Variants in LCNL1 observed in about 807,000 individuals in gnomAD.
The protein encoded by LCNL1 is lipocalin-like 1 protein.
LCNL1 carries 11 observed loss-of-function variants against 7.9 expected under a neutral mutation model. That is an observed-to-expected ratio of 1.40 (90% CI 0.88 to 2.32). LCNL1 has a LOEUF of 2.32. Ranked by LOEUF, LCNL1 falls within the 30% of genes most tolerant of loss-of-function variation. LCNL1 has a pLI of 0.00. For missense variants in LCNL1, 218 were observed against 217.0 expected (o/e 1.00, Z -0.03); for synonymous variants, 90 against 92.5 (o/e 0.97, Z 0.15).
intron 1 of LCNL1, chr9:136,984,166 T>G (rs1588489465): frequency 2.2e-6 from 1 of 447,016 alleles, no homozygotes. Context: ...TGCGTGTCTA[T>G]GTGTGTGTCT....
chr9:136,983,708 C>A lies in LCNL1; in HGVS notation c.122C>A (p.Thr41Lys), dbSNP rs764179792. ...CTGGCCCTCAAGTTTGGATACCCCA[C>A]GTAAGTGACCACACGAGCCCATCAG... Reference protein sequence around the residue: ...GDLALKFGYPTPHGGCQKMDT... With the variant: ...GDLALKFGYPKPHGGCQKMDT... The change falls in exon 1 of 3, where the codon ACG becomes AAG. Residue 41 changes from threonine (T) to lysine (K), a missense_variant and splice_region_variant. Thr to Lys is a moderately conservative substitution (Grantham distance 78). Transcript: ENST00000408973. 1.4e-5 allele frequency: 23 copies of A among 1,613,300 alleles called. No individual in the cohort carries two copies. The South Asian group carries it at 2.5e-4, about 18-fold the overall frequency.
Position 136,983,491 on chromosome 9 carries a change from G to T in LCNL1, c.-96G>T. The T allele has an allele frequency of 6.7e-7, 1 of 1,501,126 alleles. No individual in the cohort carries two copies. Among genetic ancestry groups the T allele is most frequent in the Admixed American group, 1.7e-5 (1 of 58,766 alleles). The allele number at this position is 1,501,126 out of a possible 1,614,324, so 93.0% of individuals were successfully genotyped here. On this transcript the variant is annotated 5_prime_UTR_variant, in exon 1 of 3. Transcript: ENST00000408973. ...CCCCTGCCGTGGCCAGGAAGCAGCTGTGTCGGGGCAGAATGTGGTGGGCTC... is the reference window on the plus strand; with the variant it reads ...CCCCTGCCGTGGCCAGGAAGCAGCTTTGTCGGGGCAGAATGTGGTGGGCTC...
rs1321900077 is a variant in LCNL1 at position 136,985,680 on chromosome 9, G to C, written c.*669G>C. ...CCCTGAGTGCCCGCAGGGGTCAGCT[G>C]CTCCGTGCGCCCAGCCCTGCCCAAA... is the stretch of plus-strand genomic sequence containing the variant. On this transcript the variant is annotated 3_prime_UTR_variant, in exon 3 of 3. Coordinates refer to ENST00000408973, the MANE Select transcript of LCNL1 (RefSeq NM_207510.4). 3 of 152,328 alleles carry C rather than the reference G, an allele frequency of 2.0e-5. No homozygotes were observed. The allele number at this position is 152,328 out of a possible 1,614,324, so 9.4% of individuals were successfully genotyped here. A position where few individuals can be genotyped will look rare whatever the true frequency, so the allele number is the denominator to read the frequency against.
intron 1 of LCNL1, 131 bp downstream of exon 1, chr9:136,983,839 C>A: frequency 7.8e-7 from 1 of 1,281,802 alleles, no homozygotes; most frequent in Non-Finnish European, 1.1e-6. Context: ...CGGCTCTGTG[C>A]GGCAGAGCCC....
At position 136,983,661 on chromosome 9, in the gene LCNL1, G is replaced by C. The variant is rs758519867; in HGVS notation, c.75G>C (p.Val25=). The C allele has an allele frequency of 6.2e-7, 1 of 1,614,058 alleles. No individual in the cohort carries two copies. The highest frequency in any genetic ancestry group is 8.5e-7 in the Non-Finnish European group (1 of 1,179,984). ...KDTMKMAVVL[V]TPLGNGDLAL... is the part of the protein sequence containing the mutation. ...CCATGAAGATGGCTGTGGTCTTAGTGACCCCCTTGGGGAATGGTGACCTGG... is the reference window on the plus strand; with the variant it reads ...CCATGAAGATGGCTGTGGTCTTAGTCACCCCCTTGGGGAATGGTGACCTGG... Residue 25 remains valine, a synonymous_variant, in exon 1 of 3, where the codon GTG becomes GTC. Transcript: ENST00000408973.
rs1830489445 is a variant in LCNL1, at chr9:136,985,354, G to A, written c.*343G>A. The A allele has an allele frequency of 6.9e-6, 2 of 288,246 alleles. No individual in the cohort carries two copies. Among genetic ancestry groups the A allele is most frequent in the Non-Finnish European group, 1.3e-5 (2 of 154,628 alleles). 17.9% of individuals were successfully genotyped at this position (288,246 alleles called of 1,614,324 possible). ...GCAGGTCGGGGGCCTCCGTCCCAGGGAAGGGGGCGCGGGGTGGCGCCTCAG... is the reference window on the plus strand; with the variant it reads ...GCAGGTCGGGGGCCTCCGTCCCAGGAAAGGGGGCGCGGGGTGGCGCCTCAG... On this transcript the variant is annotated 3_prime_UTR_variant, in exon 3 of 3. Transcript: ENST00000408973.
chr9:136,983,566 C>G lies in LCNL1; in HGVS notation c.-21C>G. On this transcript the variant is annotated 5_prime_UTR_variant, in exon 1 of 3. Coordinates refer to ENST00000408973, the MANE Select transcript of LCNL1 (RefSeq NM_207510.4). Reference sequence around the variant, plus strand: ...CCCAGCCTTCCCTGCACTTGCCCTGCAGTTCCAGGGCACCTGGTACATGGT... The same window carrying G: ...CCCAGCCTTCCCTGCACTTGCCCTGGAGTTCCAGGGCACCTGGTACATGGT... The G allele has an allele frequency of 1.2e-6, 2 of 1,610,366 alleles. No individual in the cohort carries two copies. The highest frequency in any genetic ancestry group is 1.7e-6 in the Non-Finnish European group (2 of 1,177,116).
chr9:136,983,819 G>C (rs903962759), intron 1 of LCNL1, 111 bp downstream of exon 1: 78 of 1,486,394 alleles, frequency 5.2e-5, no homozygotes, highest in Middle Eastern at 3.8e-4. Flanking sequence ...GTCAGACCAC[G>C]GGTCCTCGAC....
intron 1 of LCNL1, 171 bp from the exon 2 acceptor site, chr9:136,984,319 C>G (rs1190801070): frequency 6.8e-6 from 4 of 587,402 alleles, no homozygotes; most frequent in Non-Finnish European, 1.2e-5. Flanking sequence ...TAATACCCAC[C>G]CCACCCCCAG....
In LCNL1 at chr9:136,984,555, G is replaced by A; in HGVS notation, c.188G>A (p.Ser63Asn). 6.4e-7 allele frequency: 1 copy of A among 1,571,724 alleles called. No individual in the cohort carries two copies. The highest frequency in any genetic ancestry group is 2.3e-5 in the East Asian group (1 of 43,216). Reference sequence around the variant, plus strand: ...GAGGGTGCTGTACCGGGGCAGTTCAGCAACCCAGGTGAGGTGGGGCAGCAG... The same window carrying A: ...GAGGGTGCTGTACCGGGGCAGTTCAACAACCCAGGTGAGGTGGGGCAGCAG... ...FTEGAVPGQF[S>N]NPAMALSDIR... The change falls in exon 2 of 3, where the codon AGC becomes AAC. Residue 63 changes from serine to asparagine, a missense_variant. Coordinates refer to ENST00000408973, the MANE Select transcript of LCNL1 (RefSeq NM_207510.4).
intron 2 of LCNL1, 50 bp from the exon 3 acceptor site, chr9:136,984,662 CT>C (rs777536468): frequency 6.6e-7 from 1 of 1,511,840 alleles, no homozygotes; most frequent in East Asian, 2.4e-5. Context: ...GGGTGCCACG[CT>C]CGGGGGGGAG....
Position 136,983,637 on chromosome 9 carries a change from C to T in LCNL1, c.51C>T (p.Thr17=), listed in dbSNP as rs368111817. 22 of 1,613,922 alleles carry T rather than the reference C, an allele frequency of 1.4e-5. No individual in the cohort carries two copies. Among genetic ancestry groups the T allele is most frequent in the Non-Finnish European group, 1.9e-5 (22 of 1,179,992 alleles). Reference sequence around the variant, plus strand: ...AGGACTTCCTGGACTCCAAGGACACCATGAAGATGGCTGTGGTCTTAGTGA... The same window carrying T: ...AGGACTTCCTGGACTCCAAGGACACTATGAAGATGGCTGTGGTCTTAGTGA... ...DDQDFLDSKD[T]MKMAVVLVTP... is the part of the protein sequence containing the mutation. The change falls in exon 1 of 3, where the codon ACC becomes ACT. Residue 17 remains threonine (T), a synonymous_variant. Transcript: ENST00000408973.
chr9:136,984,124 CTG>C (rs776088334), intron 1 of LCNL1: 2 of 403,810 alleles, frequency 5.0e-6, no homozygotes, highest in Non-Finnish European at 9.0e-6. Context: ...CTGTGTCTGG[CTG>C]TGTGTGTCTA....
Position 136,983,101 on chromosome 9 carries a change from C to T in LCNL1, c.-486C>T, listed in dbSNP as rs1336400187. On this transcript the variant is annotated 5_prime_UTR_variant, in exon 1 of 3. Coordinates refer to ENST00000408973, the MANE Select transcript of LCNL1 (RefSeq NM_207510.4). ...CCGGCTTTGGTGCTGCACCCCGGGT[C>T]CCTGTCCACACCCTCTTTGATCCAG... The T allele has an allele frequency of 1.2e-5, 2 of 166,476 alleles. No homozygotes were observed. Among genetic ancestry groups the T allele is most frequent in the African/African-American group, 4.8e-5 (2 of 41,964 alleles). The allele number at this position is 166,476 out of a possible 1,614,324, so 10.3% of individuals were successfully genotyped here. A position where few individuals can be genotyped will look rare whatever the true frequency, so the allele number is the denominator to read the frequency against.
In LCNL1 at chr9:136,983,686, G is replaced by T. The variant is rs1274826612; in HGVS notation, c.100G>T (p.Ala34Ser). The T allele has an allele frequency of 1.2e-6, 2 of 1,613,974 alleles. No homozygotes were observed. The highest frequency in any genetic ancestry group is 8.5e-7 in the Non-Finnish European group (1 of 1,179,942). Residue 34 changes from alanine to serine, a missense_variant, in exon 1 of 3, where the codon GCC (alanine) becomes TCC (serine). By Grantham distance (99) the Ala-to-Ser change is moderately conservative. Coordinates refer to ENST00000408973, the MANE Select transcript of LCNL1 (RefSeq NM_207510.4). Reference sequence around the variant, plus strand: ...GACCCCCTTGGGGAATGGTGACCTGGCCCTCAAGTTTGGATACCCCACGTA... The same window carrying T: ...GACCCCCTTGGGGAATGGTGACCTGTCCCTCAAGTTTGGATACCCCACGTA... ...LVTPLGNGDL[A>S]LKFGYPTPHG...
At position 136,985,383 on chromosome 9, in the gene LCNL1, C is replaced by T. The variant is rs192756830; in HGVS notation, c.*372C>T. The T allele has an allele frequency of 3.8e-5, 9 of 239,646 alleles. No individual in the cohort carries two copies. In the East Asian group the frequency reaches 8.1e-4, roughly 22 times the overall value. 14.8% of individuals were successfully genotyped at this position (239,646 alleles called of 1,614,324 possible). A position where few individuals can be genotyped will look rare whatever the true frequency, so the allele number is the denominator to read the frequency against. The stretch of plus-strand genomic sequence containing the variant: ...GGGGCGCGGGGTGGCGCCTCAGGCT[C>T]GATCTCTCTGCAGACCAGTGTGCGG... On this transcript the variant is annotated 3_prime_UTR_variant, in exon 3 of 3. Transcript: ENST00000408973.
chr9:136,984,467 G>C lies in LCNL1; in HGVS notation c.123-23G>C, dbSNP rs757639881. On this transcript the variant is annotated intron_variant, in intron 1 of 2. Coordinates refer to ENST00000408973, the MANE Select transcript of LCNL1 (RefSeq NM_207510.4). The stretch of plus-strand genomic sequence containing the variant: ...CGCTGGGCAGGGGTGGCCACTCAGG[G>C]GATTGGGGCTCTTTCTCCCCAGGCC... 1.6e-5 allele frequency: 24 copies of C among 1,541,958 alleles called. No individual in the cohort carries two copies. In the African/African-American group the frequency reaches 3.1e-4, roughly 20 times the overall value.
chr9:136,983,374 A>T lies in LCNL1; in HGVS notation c.-213A>T. 1 of 552,022 alleles carries T rather than the reference A, an allele frequency of 1.8e-6. No homozygotes were observed. Among genetic ancestry groups the T allele is most frequent in the Non-Finnish European group, 3.3e-6 (1 of 305,492 alleles). The allele number at this position is 552,022 out of a possible 1,614,324, so 34.2% of individuals were successfully genotyped here. A position where few individuals can be genotyped will look rare whatever the true frequency, so the allele number is the denominator to read the frequency against. ...CGTACCCCCTGGGTGCCAGCTGCAGACAGGCCGGTGCTGGGCTGGTGGGGG... is the reference window on the plus strand; with the variant it reads ...CGTACCCCCTGGGTGCCAGCTGCAGTCAGGCCGGTGCTGGGCTGGTGGGGG... On this transcript the variant is annotated 5_prime_UTR_variant, in exon 1 of 3. Coordinates refer to ENST00000408973, the MANE Select transcript of LCNL1 (RefSeq NM_207510.4).
Position 136,984,564 on chromosome 9 carries a change from G to A in LCNL1, c.196+1G>A. On this transcript the variant is annotated splice_donor_variant, in intron 2 of 2. Coordinates refer to ENST00000408973, the MANE Select transcript of LCNL1 (RefSeq NM_207510.4). LOFTEE classifies it high-confidence loss of function. ...GTACCGGGGCAGTTCAGCAACCCAG[G>A]TGAGGTGGGGCAGCAGGCAGGGCTG... 2 of 1,566,928 alleles carry A rather than the reference G, an allele frequency of 1.3e-6. No individual in the cohort carries two copies. The highest frequency in any genetic ancestry group is 8.7e-7 in the Non-Finnish European group (1 of 1,155,506).
Sources: allele counts gnomAD v4.1 joint callset, GRCh38; gene constraint gnomAD v4.1.1; transcripts MANE v1.5; gene names NCBI Gene and HGNC (gene_info 2026-07-23, HGNC 2026-07-21).